The following KLRG1 variants were observed in gnomAD, a reference collection of about 807,000 sequenced individuals.
KLRG1 encodes killer cell lectin-like receptor subfamily G member 1.
In KLRG1, 16 loss-of-function variants were observed where a neutral mutation model predicts 21.8. The ratio of observed to expected loss-of-function variants is 0.73; its 90% CI spans 0.50 to 1.11. The LOEUF (loss-of-function observed/expected upper bound fraction) is 1.11, where lower values mean the gene tolerates loss of function less well. Among genes scored for constraint, KLRG1 ranks in the 50% most tolerant of loss-of-function variants. KLRG1 has a pLI of 0.00. For missense variants in KLRG1, 173 were observed against 218.3 expected (o/e 0.79, Z 1.31); for synonymous variants, 69 against 75.9 (o/e 0.91, Z 0.47).
chr12:9,052,578 T>C, the KLRG1 span, among the ~76,000 whole-genome samples: 22 of 152,342 alleles, frequency 1.4e-4, no homozygotes, highest in East Asian at 4.2e-3. Flanking sequence ...TGAACACATC[T>C]GTCCTTCTGC....
the KLRG1 span, chr12:9,154,542 A>AT: frequency 7.4e-7 from 1 of 1,355,848 alleles, no homozygotes; most frequent in Non-Finnish European, 1.0e-6. Flanking sequence ...TCTCTTTTCC[A>AT]TTAACTGTTC....
the KLRG1 span, among the ~76,000 whole-genome samples, chr12:9,108,227 G>C: frequency 1.3e-5 from 2 of 152,122 alleles, no homozygotes; most frequent in African/African-American, 4.8e-5. Context: ...CTGGGTTCAT[G>C]CCATTCTCCT....
At chr12:9,163,738 C>T in the KLRG1 span, 1 of 1,613,940 alleles carries the variant, frequency 6.2e-7, no homozygotes, top group Non-Finnish European at 8.5e-7. Flanking sequence ...CTCATTTCCA[C>T]AGAGTTCTAA....
the KLRG1 span, among the ~76,000 whole-genome samples, chr12:9,031,746 C>T: frequency 6.6e-6 from 1 of 152,296 alleles, no homozygotes; most frequent in South Asian, 2.1e-4. Flanking sequence ...TTAAGAAATG[C>T]ATTGGTTTCG....
the KLRG1 span, among the ~76,000 whole-genome samples, chr12:9,155,647 A>G: frequency 3.9e-5 from 6 of 152,094 alleles, no homozygotes; most frequent in African/African-American, 1.2e-4. Context: ...TTAAATATGT[A>G]CTAAACTAAA....
the KLRG1 span, chr12:9,089,170 G>GA: frequency 1.3e-6 from 2 of 1,515,348 alleles, no homozygotes; most frequent in Non-Finnish European, 1.8e-6. Flanking sequence ...AGACTTTAAT[G>GA]TTTTTTAAAT....
chr12:9,031,584 A>G, the KLRG1 span, among the ~76,000 whole-genome samples: 1 of 152,206 alleles, frequency 6.6e-6, no homozygotes, highest in African/African-American at 2.4e-5. Context: ...CAAACTCTAT[A>G]AAATATTTGA....
intron 1 of KLRG1, among the ~76,000 whole-genome samples, chr12:8,965,665 C>A (rs1231470310): frequency 6.6e-6 from 1 of 152,152 alleles, no homozygotes; most frequent in Non-Finnish European, 1.5e-5. Context: ...GAACTACAAA[C>A]CACTGCTCAA....
the KLRG1 span, chr12:9,202,408 T>G: frequency 6.2e-7 from 1 of 1,613,966 alleles, no homozygotes; most frequent in Non-Finnish European, 8.5e-7. Context: ...TCAGACATGA[T>G]AAAGCAGGTA....
At chr12:9,164,882 G>T in the KLRG1 span, among the ~76,000 whole-genome samples, 2 of 152,202 alleles carry the variant, frequency 1.3e-5, no homozygotes, top group African/African-American at 2.4e-5. Context: ...AACCTAACTT[G>T]CAGCAAAGAA....
chr12:9,158,752 C>CTTTTTTTTTTTTTTTTTTTTTTT, the KLRG1 span, among the ~76,000 whole-genome samples: 3 of 97,816 alleles, frequency 3.1e-5, no homozygotes, highest in South Asian at 8.0e-4. Flanking sequence ...TTTTTCTTTT[C>CTTTTTTTTTTTTTTTTTTTTTTT]TTTTCTTTTT....
chr12:9,160,119 T>G, the KLRG1 span: 2 of 1,278,172 alleles, frequency 1.6e-6, no homozygotes, highest in Non-Finnish European at 2.2e-6. Flanking sequence ...CATGGACATT[T>G]TATGACCTTC....
the KLRG1 span, among the ~76,000 whole-genome samples, chr12:9,185,284 A>G: frequency 1.3e-5 from 2 of 152,242 alleles, no homozygotes; most frequent in African/African-American, 4.8e-5. Flanking sequence ...TTCGTAATGC[A>G]ATCACAAGTA....
chr12:9,159,607 T>C, the KLRG1 span, among the ~76,000 whole-genome samples: 1 of 151,796 alleles, frequency 6.6e-6, no homozygotes, highest in African/African-American at 2.4e-5. Context: ...GAGGAGGAGA[T>C]GCTAGCCCAG....
the KLRG1 span, among the ~76,000 whole-genome samples, chr12:9,155,075 C>CA: frequency 2.0e-5 from 3 of 152,124 alleles, no homozygotes; most frequent in Admixed American, 2.0e-4. Flanking sequence ...GCATACTCAC[C>CA]AATCTCTCCA....
the KLRG1 span, chr12:9,068,993 G>C: frequency 5.6e-6 from 3 of 531,068 alleles, no homozygotes; most frequent in East Asian, 3.0e-5. Context: ...AAATCTCTCA[G>C]AGGGGATGAT....
intron 3 of KLRG1, 146 bp downstream of exon 3, chr12:8,995,434 CTCT>C (rs1027652786): frequency 8.6e-6 from 6 of 696,154 alleles, no homozygotes; most frequent in Admixed American, 3.0e-5. Flanking sequence ...TTCCCCTTCC[CTCT>C]TCTTCTCTTT....
the KLRG1 span, among the ~76,000 whole-genome samples, chr12:9,187,566 T>A: frequency 6.6e-6 from 1 of 152,216 alleles, no homozygotes; most frequent in Non-Finnish European, 1.5e-5. Context: ...TTAAACAACC[T>A]GCTCCTGCAT....
At chr12:9,031,262 A>T in the KLRG1 span, among the ~76,000 whole-genome samples, 1 of 152,220 alleles carries the variant, frequency 6.6e-6, no homozygotes, top group East Asian at 1.9e-4. Flanking sequence ...CCTCAGAATC[A>T]AGATAAATTT....
Sources: gnomAD v4.1 joint callset for allele counts (sites outside exome capture counted in the v4.1 genomes callset) on GRCh38, gnomAD v4.1.1 for gene constraint, MANE v1.5 for transcripts, NCBI Gene and HGNC (gene_info 2026-07-23, HGNC 2026-07-21) for gene names.